Variants in PSMA1 observed in about 807,000 individuals in gnomAD.
PSMA1 encodes proteasome 20S subunit alpha 1.
PSMA1 carries 3 observed loss-of-function variants against 38.4 expected under a neutral mutation model. That is an observed-to-expected ratio of 0.08 (90% CI 0.04 to 0.20). The LOEUF (loss-of-function observed/expected upper bound fraction) is 0.20, where lower values mean the gene tolerates loss of function less well. Ranked by LOEUF, PSMA1 falls within the 10% of genes least tolerant of loss-of-function variation. The pLI is 1.00. For missense variants in PSMA1, 227 were observed against 325.3 expected, an observed-to-expected ratio of 0.70 and a Z score of 2.32; for synonymous variants, 101 against 107.1, an observed-to-expected ratio of 0.94 and a Z score of 0.35.
In PSMA1 at chr11:14,614,069, T is replaced by A. The variant is rs16930381; in HGVS notation, c.-165-2918A>T. Among the ~76,000 whole-genome samples the A allele has an allele frequency of 6.8e-3, 1,042 of 152,290 alleles. 10 individuals carry two copies. The highest frequency in any genetic ancestry group is 0.024 in the African/African-American group (979 of 41,546). On this transcript the variant is annotated intron_variant, in intron 1 of 10. Transcript: ENST00000418988. ...GAAGAACAATTGCATGTCACTGGGA[T>A]ATGGGTTTAAATAATAAAATGAAGC...
chr11:14,572,704 C>A (rs912376764), intron 2 of PSMA1, among the ~76,000 whole-genome samples: 4 of 151,992 alleles, frequency 2.6e-5, no homozygotes, highest in African/African-American at 9.7e-5. Context: ...AAAAACCCTT[C>A]AAAAAATCAA....
At chr11:14,538,988 C>T (rs1014542534) in intron 2 of PSMA1, among the ~76,000 whole-genome samples, 14 of 152,208 alleles carry the variant, frequency 9.2e-5, no homozygotes, top group African/African-American at 3.4e-4. Flanking sequence ...TCTCTGAAGT[C>T]GTTGGGACAG....
At chr11:14,585,170 T>C (rs1852331104) in intron 2 of PSMA1, among the ~76,000 whole-genome samples, 1 of 152,336 alleles carries the variant, frequency 6.6e-6, no homozygotes, top group East Asian at 1.9e-4. Context: ...CGATTGCTTG[T>C]TCCTATACTA....
Position 14,534,708 on chromosome 11 carries a change from T to C in PSMA1, c.22-15667A>G, listed in dbSNP as rs1182804913. Among the ~76,000 whole-genome samples, 2 of 152,168 alleles carry C rather than the reference T, an allele frequency of 1.3e-5. No homozygotes were observed. The highest frequency in any genetic ancestry group is 2.9e-5 in the Non-Finnish European group (2 of 68,042). On this transcript the variant is annotated intron_variant, in intron 2 of 10. Transcript: ENST00000418988. This position sits in a 1 kb window ranked among gnomAD's most constrained non-coding sequence, Gnocchi z 4.5. ...TGGAGAAGGGAGAATATCCTGAGAA[T>C]ATATTTTCCAATATGTGTAACATGT...
chr11:14,609,997 T>C (rs1816391337), intron 2 of PSMA1, among the ~76,000 whole-genome samples: 1 of 152,082 alleles, frequency 6.6e-6, no homozygotes. Flanking sequence ...TGACAAATGG[T>C]TGGGTTTCTG....
At chr11:14,633,859 C>T (rs977453718) in intron 1 of PSMA1, among the ~76,000 whole-genome samples, 13 of 152,254 alleles carry the variant, frequency 8.5e-5, no homozygotes, top group Middle Eastern at 3.4e-3. Context: ...TTTTTAAGTC[C>T]GTCGGAAAAG....
rs538469493 is a variant in PSMA1 at position 14,617,058 on chromosome 11, C to G, written c.-165-5907G>C. On this transcript the variant is annotated intron_variant, in intron 1 of 10. Coordinates refer to the PSMA1 transcript ENST00000418988. ...GTGAAAAACACAGGGCATGGAAGAACAGAAGTTATCTTCTTTTCAGGCTGC... is the reference window on the plus strand; with the variant it reads ...GTGAAAAACACAGGGCATGGAAGAAGAGAAGTTATCTTCTTTTCAGGCTGC... 2.0e-5 allele frequency among the ~76,000 whole-genome samples: 3 copies of G among 152,322 alleles called. No individual in the cohort carries two copies. In the South Asian group the frequency reaches 6.2e-4, roughly 32 times the overall value.
At chr11:14,615,326 G>C (rs1381387285) in intron 1 of PSMA1, among the ~76,000 whole-genome samples, 1 of 152,172 alleles carries the variant, frequency 6.6e-6, no homozygotes, top group Non-Finnish European at 1.5e-5. Context: ...TACTTGCCCT[G>C]CGTCCTCAGA....
At chr11:14,532,905 TA>T (rs1045512634) in intron 2 of PSMA1, among the ~76,000 whole-genome samples, 11 of 150,628 alleles carry the variant, frequency 7.3e-5, no homozygotes, top group Non-Finnish European at 1.5e-4. Context: ...AAAAAAAATT[TA>T]AAAAAAATCT....
rs150486176 is a variant in PSMA1, at chr11:14,590,875, C to T, written c.21+20091G>A. On this transcript the variant is annotated intron_variant, in intron 2 of 10. Transcript: ENST00000418988. Reference sequence around the variant, plus strand: ...GGTTACCTCAAACGACTTTATATGGCGGACACCCCAGTGAGAGGTGACAGT... The same window carrying T: ...GGTTACCTCAAACGACTTTATATGGTGGACACCCCAGTGAGAGGTGACAGT... Among the ~76,000 whole-genome samples the T allele has an allele frequency of 6.6e-5, 10 of 152,346 alleles. No homozygotes were observed. In the East Asian group the frequency reaches 1.9e-3, roughly 29 times the overall value.
rs527545914 is a variant in PSMA1, at chr11:14,559,558, G to A, written c.22-40517C>T. On this transcript the variant is annotated intron_variant, in intron 2 of 10. Coordinates refer to the PSMA1 transcript ENST00000418988. ...TTAACACAACCAGAGAGCAGAAGGG[G>A]ATAGAAAATGACCACTAGACGGAAG... Among the ~76,000 whole-genome samples, 8 of 152,286 alleles carry A rather than the reference G, an allele frequency of 5.3e-5. No homozygotes were observed. In the South Asian group the frequency reaches 1.7e-3, roughly 32 times the overall value.
intron 2 of PSMA1, among the ~76,000 whole-genome samples, chr11:14,589,528 T>C (rs1852387741): frequency 6.6e-6 from 1 of 151,718 alleles, no homozygotes; most frequent in Admixed American, 6.6e-5. Flanking sequence ...ACAAGACAGG[T>C]AGATCTCTGT....
intron 8 of PSMA1, 89 bp downstream of exon 8, chr11:14,510,782 CA>C: frequency 1.3e-6 from 1 of 794,316 alleles, no homozygotes. Context: ...TCCCAAATTA[CA>C]GAATGTTGCA....
Position 14,518,044 on chromosome 11 carries a change from G to C in PSMA1, c.49-63C>G, listed in dbSNP as rs973472892. On this transcript the variant is annotated intron_variant, in intron 2 of 9. Transcript: ENST00000396394. Reference sequence around the variant, plus strand: ...GATCTTTTATAAATTAAAAATTAGGGTTTTCAAATATCAGGTGAGCACAGT... The same window carrying C: ...GATCTTTTATAAATTAAAAATTAGGCTTTTCAAATATCAGGTGAGCACAGT... The C allele has an allele frequency of 4.1e-6, 5 of 1,219,536 alleles. No homozygotes were observed. The Admixed American group carries it at 1.0e-4, about 25-fold the overall frequency. 75.5% of individuals were successfully genotyped at this position (1,219,536 alleles called of 1,614,324 possible). A position where few individuals can be genotyped will look rare whatever the true frequency, so the allele number is the denominator to read the frequency against.
chr11:14,630,887 G>C (rs1852995508), intron 1 of PSMA1, among the ~76,000 whole-genome samples: 1 of 152,008 alleles, frequency 6.6e-6, no homozygotes, highest in Admixed American at 6.5e-5. Context: ...TCCTGGTTTA[G>C]TCTTGGGAGA....
chr11:14,541,805 T>C (rs1851776196), intron 2 of PSMA1, among the ~76,000 whole-genome samples: 1 of 152,248 alleles, frequency 6.6e-6, no homozygotes, highest in Admixed American at 6.5e-5. Flanking sequence ...GCATGGTCTA[T>C]GCATCAGGGC....
chr11:14,507,869 A>T, intron 8 of PSMA1, 103 bp from the exon 9 acceptor site: 5 of 785,938 alleles, frequency 6.4e-6, no homozygotes, highest in Non-Finnish European at 1.0e-5. Context: ...TTTATATAGC[A>T]TTTGAATAAA....
At chr11:14,511,405 A>C (rs187360009) in intron 7 of PSMA1, among the ~76,000 whole-genome samples, 39 of 152,332 alleles carry the variant, frequency 2.6e-4, no homozygotes, top group Admixed American at 5.2e-4. Flanking sequence ...AAAACAAAAC[A>C]AAACCCTCAA....
intron 2 of PSMA1, among the ~76,000 whole-genome samples, chr11:14,527,352 G>A (rs1413862677): frequency 6.6e-6 from 1 of 152,098 alleles, no homozygotes; most frequent in African/African-American, 2.4e-5. Flanking sequence ...AATGGTTCTT[G>A]GGCCAAGGAA....
Sources: gnomAD v4.1 joint callset for allele counts (sites outside exome capture counted in the v4.1 genomes callset) on GRCh38, gnomAD v4.1.1 for gene constraint, Gnocchi (gnomAD v3.1) non-coding constraint, MANE v1.5 for transcripts, NCBI Gene and HGNC (gene_info 2026-07-23, HGNC 2026-07-21) for gene names.